The following ST6GALNAC3 variants were observed in gnomAD, a reference collection of about 807,000 sequenced individuals.
ST6GALNAC3 encodes alpha-N-acetylgalactosaminide alpha-2,6-sialyltransferase 3.
In ST6GALNAC3, 25 loss-of-function variants were observed where a neutral mutation model predicts 32.7. The ratio of observed to expected loss-of-function variants is 0.76; its 90% CI spans 0.56 to 1.07. The LOEUF (loss-of-function observed/expected upper bound fraction) is 1.07, where lower values mean the gene tolerates loss of function less well. Ranked by LOEUF, ST6GALNAC3 falls within the 50% of genes least tolerant of loss-of-function variation. The pLI, the probability that ST6GALNAC3 is intolerant of heterozygous loss-of-function variation, is 0.00. For missense variants in ST6GALNAC3, 355 were observed against 382.4 expected (o/e 0.93, Z 0.60); for synonymous variants, 129 against 133.1 (o/e 0.97, Z 0.21).
chr1:76,156,982 T>C (rs7528474), intron 1 of ST6GALNAC3, among the ~76,000 whole-genome samples: 3,488 of 152,282 alleles, frequency 0.023, 67 homozygotes, highest in Middle Eastern at 0.058. Context: ...CTGCCCGCCT[T>C]GGCCTCCCAA....
At chr1:76,575,932 T>C (rs1300487765) in intron 3 of ST6GALNAC3, among the ~76,000 whole-genome samples, 3 of 152,042 alleles carry the variant, frequency 2.0e-5, no homozygotes, top group African/African-American at 7.2e-5. Flanking sequence ...GCACAGAGGC[T>C]AGCCAAGATT....
At chr1:76,143,064 T>A (rs1650433700) in intron 1 of ST6GALNAC3, among the ~76,000 whole-genome samples, 1 of 152,208 alleles carries the variant, frequency 6.6e-6, no homozygotes, top group Non-Finnish European at 1.5e-5. Context: ...GTGATTTTTT[T>A]AAAACAAATT....
At chr1:76,364,258 G>GT (rs1336747143) in intron 2 of ST6GALNAC3, among the ~76,000 whole-genome samples, 4 of 152,138 alleles carry the variant, frequency 2.6e-5, no homozygotes, top group Admixed American at 6.5e-5. Flanking sequence ...CTTTTAAAAA[G>GT]TAACTCTTGG....
At chr1:76,435,286 A>C (rs897771389) in intron 3 of ST6GALNAC3, among the ~76,000 whole-genome samples, 1 of 152,180 alleles carries the variant, frequency 6.6e-6, no homozygotes, top group African/African-American at 2.4e-5. Context: ...AATACATATA[A>C]AGTTAAAGGT....
chr1:76,394,921 G>A (rs971621035), intron 2 of ST6GALNAC3, among the ~76,000 whole-genome samples: 1 of 152,112 alleles, frequency 6.6e-6, no homozygotes, highest in Non-Finnish European at 1.5e-5. Flanking sequence ...CTGTATGAGT[G>A]TTTTTGTCTG....
intron 2 of ST6GALNAC3, among the ~76,000 whole-genome samples, chr1:76,367,739 A>G (rs1033940727): frequency 6.6e-6 from 1 of 152,036 alleles, no homozygotes; most frequent in African/African-American, 2.4e-5. Flanking sequence ...GTCAGACAGT[A>G]TGTGTATTCC....
At chr1:76,479,102 T>A (rs1241466543) in intron 3 of ST6GALNAC3, among the ~76,000 whole-genome samples, 1 of 152,136 alleles carries the variant, frequency 6.6e-6, no homozygotes, top group Non-Finnish European at 1.5e-5. Context: ...ACTGTAAGTA[T>A]GCTTAACCTG....
At chr1:76,615,918 G>C (rs1235562160) in intron 3 of ST6GALNAC3, among the ~76,000 whole-genome samples, 3 of 151,570 alleles carry the variant, frequency 2.0e-5, no homozygotes, top group African/African-American at 7.3e-5. Context: ...TGAGAGAGAT[G>C]GCCCTTAAAA....
intron 3 of ST6GALNAC3, among the ~76,000 whole-genome samples, chr1:76,597,407 C>T (rs1386210179): frequency 1.3e-5 from 2 of 152,108 alleles, no homozygotes; most frequent in Non-Finnish European, 2.9e-5. Flanking sequence ...ACAGCCCAGA[C>T]ATACACACAA....
chr1:76,593,026 T>G (rs1647075005), intron 3 of ST6GALNAC3, among the ~76,000 whole-genome samples: 1 of 152,098 alleles, frequency 6.6e-6, no homozygotes, highest in African/African-American at 2.4e-5. Context: ...GTATATGCAC[T>G]CACAGTTGCT....
Position 76,390,406 on chromosome 1 carries a change from C to A in ST6GALNAC3, c.214-21602C>A, listed in dbSNP as rs1218470471. Among the ~76,000 whole-genome samples the A allele has an allele frequency of 5.3e-5, 8 of 152,196 alleles. No homozygotes were observed. In the East Asian group the frequency reaches 1.5e-3, roughly 29 times the overall value. On this transcript the variant is annotated intron_variant, in intron 2 of 4. Coordinates refer to ENST00000328299, the MANE Select transcript of ST6GALNAC3 (RefSeq NM_152996.4). ...GAGATTAGTTGCCCCTCTCTGATGT[C>A]TACGTTACTGAAAAATTATTAACTA...
chr1:76,434,782 C>CTTTTTTTTTTTTT (rs1557883285), intron 3 of ST6GALNAC3, among the ~76,000 whole-genome samples: 3 of 98,708 alleles, frequency 3.0e-5, no homozygotes, highest in African/African-American at 7.7e-5. Context: ...TTTTTTTTCT[C>CTTTTTTTTTTTTT]TGTTTTTTTT....
intron 1 of ST6GALNAC3, among the ~76,000 whole-genome samples, chr1:76,278,525 G>A (rs569333489): frequency 6.6e-6 from 1 of 151,818 alleles, no homozygotes; most frequent in South Asian, 2.1e-4. Flanking sequence ...TTTTTTAATG[G>A]ATTTCAGTGT....
intron 3 of ST6GALNAC3, chr1:76,412,919 G>A (rs1299659091): frequency 1.5e-5 from 4 of 267,376 alleles, no homozygotes; most frequent in East Asian, 2.6e-4. Context: ...TCATAACTTG[G>A]TATCTAACTT....
chr1:76,556,064 A>T (rs115990349), intron 3 of ST6GALNAC3, among the ~76,000 whole-genome samples: 2,891 of 152,218 alleles, frequency 0.019, 71 homozygotes, highest in East Asian at 0.049. Context: ...GTAAGCAGCC[A>T]CTAATCTGCT....
At chr1:76,523,275 T>C (rs1278596964) in intron 3 of ST6GALNAC3, among the ~76,000 whole-genome samples, 1 of 152,192 alleles carries the variant, frequency 6.6e-6, no homozygotes, top group Admixed American at 6.5e-5. Context: ...ATTTTTCTTA[T>C]TCATGTTATT....
At chr1:76,413,245 A>C (rs1457615048) in intron 3 of ST6GALNAC3, among the ~76,000 whole-genome samples, 4 of 152,126 alleles carry the variant, frequency 2.6e-5, no homozygotes, top group Admixed American at 1.3e-4. Flanking sequence ...AAAACAGAGA[A>C]AACAGGAATT....
chr1:76,306,430 T>C (rs1288037305), intron 1 of ST6GALNAC3, among the ~76,000 whole-genome samples: 2 of 152,010 alleles, frequency 1.3e-5, no homozygotes, highest in East Asian at 3.9e-4. Flanking sequence ...TAAAAAAAAG[T>C]TTAAAAGTAA....
chr1:76,211,767 A>G (rs1279136908), intron 1 of ST6GALNAC3, among the ~76,000 whole-genome samples: 1 of 151,758 alleles, frequency 6.6e-6, no homozygotes, highest in African/African-American at 2.4e-5. Context: ...GGGGAACATC[A>G]CACACCGGGG....
Sources: gnomAD v4.1 joint callset for allele counts (sites outside exome capture counted in the v4.1 genomes callset) on GRCh38, gnomAD v4.1.1 for gene constraint, MANE v1.5 for transcripts, NCBI Gene and HGNC (gene_info 2026-07-23, HGNC 2026-07-21) for gene names.